The following SORBS3 variants were observed in gnomAD, a reference collection of about 807,000 sequenced individuals.
SORBS3 encodes the protein sorbin and SH3 domain containing 3.
A neutral mutation model predicts 98.0 loss-of-function variants in SORBS3; 69 were observed. The observed-to-expected ratio is 0.70, with a 90% CI of 0.58 to 0.86. The LOEUF is 0.86. SORBS3 is among the 40% of genes least tolerant of loss of function. SORBS3 has a pLI of 0.00. For missense variants in SORBS3, 954 were observed against 908.5 expected (o/e 1.05, Z -0.64); for synonymous variants, 394 against 355.4 (o/e 1.11, Z -1.22).
At chr8:22,564,199 A>G (rs1586898594) in intron 8 of SORBS3, 84 bp from the exon 9 acceptor site, 1 of 1,486,236 alleles carries the variant, frequency 6.7e-7, no homozygotes, top group Non-Finnish European at 9.2e-7. Context: ...GGGGAAGGGC[A>G]GGGGCCTGCA....
chr8:22,569,338 T>A (rs1161396600), intron 17 of SORBS3, 65 bp downstream of exon 17: 3 of 1,339,838 alleles, frequency 2.2e-6, no homozygotes, highest in African/African-American at 3.0e-5. Flanking sequence ...ATATGTGCAC[T>A]AAAAACAGTT....
exon 1 of SORBS3, chr8:22,545,058 G>A (rs867667076): frequency 7.9e-5 from 12 of 152,248 alleles, no homozygotes; most frequent in African/African-American, 2.4e-4. Flanking sequence ...TTCCTAAATT[G>A]TTTGTGGTTA....
At chr8:22,562,703 C>T (rs545145156) in intron 7 of SORBS3, among the ~76,000 whole-genome samples, 1 of 152,360 alleles carries the variant, frequency 6.6e-6, no homozygotes, top group African/African-American at 2.4e-5. Flanking sequence ...CAGTCTGAGC[C>T]TCTGTGTCCC....
In SORBS3 at chr8:22,554,842, G is replaced by A. The variant is rs777467322; in HGVS notation, c.103-21G>A. 34 of 1,241,506 alleles carry A rather than the reference G, an allele frequency of 2.7e-5. No homozygotes were observed. The highest frequency in any genetic ancestry group is 1.2e-4 in the African/African-American group (8 of 65,736). 76.9% of individuals were successfully genotyped at this position (1,241,506 alleles called of 1,614,324 possible). ...CCGCCCTGCTGGGCCCTGAGCTGCCGCTCCTGGCCCCTCCCCGCAGGTGCC... is the reference window on the plus strand; with the variant it reads ...CCGCCCTGCTGGGCCCTGAGCTGCCACTCCTGGCCCCTCCCCGCAGGTGCC... On this transcript the variant is annotated intron_variant, in intron 2 of 20. Transcript: ENST00000240123. The surrounding 1 kb of genome is among the most constrained non-coding windows in gnomAD (Gnocchi z 6.5).
intron 5 of SORBS3, among the ~76,000 whole-genome samples, chr8:22,559,526 C>T: frequency 6.6e-6 from 1 of 152,002 alleles, no homozygotes; most frequent in Non-Finnish European, 1.5e-5. Flanking sequence ...CATGGTGAAA[C>T]CCCATCTCTA....
rs1840141202 is a variant in SORBS3, at chr8:22,554,239, A to G, written c.-55-213A>G. 3.0e-6 allele frequency: 1 copy of G among 332,060 alleles called. No individual in the cohort carries two copies. The highest frequency in any genetic ancestry group is 4.1e-5 in the South Asian group (1 of 24,516). 20.6% of individuals were successfully genotyped at this position (332,060 alleles called of 1,614,324 possible). On this transcript the variant is annotated intron_variant, in intron 1 of 20. Coordinates refer to ENST00000240123, the MANE Select transcript of SORBS3 (RefSeq NM_005775.5). This position sits in a 1 kb window ranked among gnomAD's most constrained non-coding sequence, Gnocchi z 6.5. ...CCGGAGCTCCTGCCCTGGGCCTAAC[A>G]AGTGGTCCATTGTGCCCCTGGGAGC...
At chr8:22,570,854 C>T (rs1250836975) in intron 17 of SORBS3, 56 bp from the exon 18 acceptor site, 14 of 1,508,852 alleles carry the variant, frequency 9.3e-6, no homozygotes, top group Non-Finnish European at 1.3e-5. Flanking sequence ...AGATAAGGCA[C>T]CCGTGGGTCC....
intron 8 of SORBS3, 38 bp downstream of exon 8, chr8:22,564,115 G>A: frequency 6.3e-7 from 1 of 1,584,200 alleles, no homozygotes; most frequent in Middle Eastern, 1.7e-4. Flanking sequence ...AGCCCCAGCT[G>A]TATGCCGTAT....
At chr8:22,549,320 C>T (rs777958413), upstream of SORBS3, among the ~76,000 whole-genome samples, 3 of 152,140 alleles carry the variant, frequency 2.0e-5, no homozygotes, top group African/African-American at 4.8e-5. Flanking sequence ...GCCGGCCAGC[C>T]GCCTTATCTA....
In SORBS3 at chr8:22,574,897, C is replaced by A. The variant is rs1412218562; in HGVS notation, c.*169C>A. ...CGGACCCCCCTCGAAGCCCCCTGGA[C>A]TGATTCCCACCCACGACTCACAGGC... On this transcript the variant is annotated 3_prime_UTR_variant, in exon 21 of 21. Coordinates refer to ENST00000240123, the MANE Select transcript of SORBS3 (RefSeq NM_005775.5). The A allele has an allele frequency of 1.4e-6, 1 of 709,810 alleles. No homozygotes were observed. Among genetic ancestry groups the A allele is most frequent in the South Asian group, 1.5e-5 (1 of 68,398 alleles). 44.0% of individuals were successfully genotyped at this position (709,810 alleles called of 1,614,324 possible). A position where few individuals can be genotyped will look rare whatever the true frequency, so the allele number is the denominator to read the frequency against.
chr8:22,571,592 T>A lies in SORBS3; in HGVS notation c.1744-126T>A, dbSNP rs992239626. 4 of 700,384 alleles carry A rather than the reference T, an allele frequency of 5.7e-6. No homozygotes were observed. In the African/African-American group the frequency reaches 7.0e-5, roughly 12 times the overall value. The allele number at this position is 700,384 out of a possible 1,614,324, so 43.4% of individuals were successfully genotyped here. A position where few individuals can be genotyped will look rare whatever the true frequency, so the allele number is the denominator to read the frequency against. ...TGCCCTGGGGGTTTGGAGGCTAAGA[T>A]GAAGCCGTTTGTAAGGCGTGCTGGC... is the stretch of plus-strand genomic sequence containing the variant. On this transcript the variant is annotated intron_variant, in intron 18 of 20. Coordinates refer to ENST00000240123, the MANE Select transcript of SORBS3 (RefSeq NM_005775.5).
rs753923889 is a variant in SORBS3, at chr8:22,574,881, C to A, written c.*153C>A. ...CCCGCAGCCTTTCCCTCGGACCCCC[C>A]TCGAAGCCCCCTGGACTGATTCCCA... On this transcript the variant is annotated 3_prime_UTR_variant, in exon 21 of 21. Coordinates refer to ENST00000240123, the MANE Select transcript of SORBS3 (RefSeq NM_005775.5). 2.7e-6 allele frequency: 2 copies of A among 739,650 alleles called. No individual in the cohort carries two copies. The highest frequency in any genetic ancestry group is 4.8e-6 in the Non-Finnish European group (2 of 415,118). The allele number at this position is 739,650 out of a possible 1,614,324, so 45.8% of individuals were successfully genotyped here.
At chr8:22,564,192 G>C (rs965469392) in intron 8 of SORBS3, 91 bp from the exon 9 acceptor site, 76 of 1,481,448 alleles carry the variant, frequency 5.1e-5, no homozygotes, top group Middle Eastern at 1.7e-4. Flanking sequence ...GGGCCCAGGG[G>C]AAGGGCAGGG....
intron 3 of SORBS3, 114 bp downstream of exon 3, chr8:22,555,094 T>G (rs1352973643): frequency 1.1e-6 from 1 of 884,496 alleles, no homozygotes; most frequent in African/African-American, 1.7e-5. Context: ...CTCAAGGCCA[T>G]GAGGAGGTTC....
intron 5 of SORBS3, 75 bp from the exon 6 acceptor site, chr8:22,561,260 C>T: frequency 1.4e-6 from 2 of 1,438,416 alleles, no homozygotes; most frequent in Non-Finnish European, 1.9e-6. Context: ...TTGGGAGCGG[C>T]TGAGGTTGCC....
rs771707692 is a variant in SORBS3 at position 22,556,879 on chromosome 8, G to C, written c.385G>C (p.Glu129Gln). Residue 129 changes from glutamate to glutamine, a missense_variant, in exon 4 of 21, where the codon GAG becomes CAG. By Grantham distance (29) the Glu-to-Gln change is conservative. Transcript: ENST00000240123. The part of the protein sequence containing the change: ...VKYEGIGPVD[E>Q]SGMPIAPRSS... ...GTACGAGGGAATCGGGCCCGTGGACGAGAGCGGCATGCCCATTGCCCCCCG... is the reference window on the plus strand; with the variant it reads ...GTACGAGGGAATCGGGCCCGTGGACCAGAGCGGCATGCCCATTGCCCCCCG... The C allele has an allele frequency of 6.2e-7, 1 of 1,613,106 alleles. No individual in the cohort carries two copies. The highest frequency in any genetic ancestry group is 8.5e-7 in the Non-Finnish European group (1 of 1,180,052).
intron 6 of SORBS3, chr8:22,561,574 C>T: frequency 1.6e-6 from 1 of 634,132 alleles, no homozygotes; most frequent in African/African-American, 1.8e-5. Flanking sequence ...GCACGGGGAA[C>T]GCGCGCTCTG....
chr8:22,561,989 T>G, intron 7 of SORBS3, 58 bp downstream of exon 7: 1 of 1,536,928 alleles, frequency 6.5e-7, no homozygotes, highest in Non-Finnish European at 9.0e-7. Flanking sequence ...CGAGACACCA[T>G]GGGACGGGCG....
chr8:22,571,266 C>T, intron 18 of SORBS3, 45 bp downstream of exon 18: 1 of 1,144,438 alleles, frequency 8.7e-7, no homozygotes, highest in Non-Finnish European at 1.2e-6. Context: ...CCTCCTCACC[C>T]CTCATCCCCC....
Sources: allele counts gnomAD v4.1 joint callset (sites outside exome capture counted in the v4.1 genomes callset), GRCh38; gene constraint gnomAD v4.1.1; non-coding constraint Gnocchi (gnomAD v3.1); transcripts MANE v1.5; gene names NCBI Gene and HGNC (gene_info 2026-07-23, HGNC 2026-07-21).